Variants in DNAJC24 observed in about 807,000 individuals in gnomAD.
DNAJC24 encodes the protein dnaJ homolog subfamily C member 24.
A neutral mutation model predicts 18.0 loss-of-function variants in DNAJC24; 17 were observed. The ratio of observed to expected loss-of-function variants is 0.94; its 90% confidence interval spans 0.65 to 1.42. The LOEUF (loss-of-function observed/expected upper bound fraction) is 1.42. Among genes scored for constraint, DNAJC24 ranks in the 40% most tolerant of loss-of-function variants. DNAJC24 has a pLI of 0.00. For missense variants in DNAJC24, 158 were observed against 175.6 expected (o/e 0.90, Z 0.57); for synonymous variants, 55 against 57.7 (o/e 0.95, Z 0.21).
intron 2 of DNAJC24, among the ~76,000 whole-genome samples, chr11:31,397,955 A>T (rs1952559783): frequency 6.6e-6 from 1 of 151,948 alleles, no homozygotes; most frequent in Non-Finnish European, 1.5e-5. Flanking sequence ...GGAGCGTGCC[A>T]CCATGCCCAG....
chr11:31,422,102 T>C, intron 3 of DNAJC24: 1 of 252,612 alleles, frequency 4.0e-6, no homozygotes, highest in Non-Finnish European at 8.1e-6. Context: ...GAAGGGCCTA[T>C]ACTTCTAAAG....
chr11:31,417,908 T>C (rs935967856), intron 3 of DNAJC24, among the ~76,000 whole-genome samples: 3 of 152,062 alleles, frequency 2.0e-5, no homozygotes, highest in Non-Finnish European at 4.4e-5. Flanking sequence ...AATGATCATA[T>C]GTGTTCTTTC....
chr11:31,381,804 T>A, intron 2 of DNAJC24, among the ~76,000 whole-genome samples: 1 of 152,114 alleles, frequency 6.6e-6, no homozygotes, highest in East Asian at 1.9e-4. Context: ...CTCGAACTCC[T>A]GACCTCAGAT....
intron 2 of DNAJC24, among the ~76,000 whole-genome samples, chr11:31,399,515 G>A (rs1305629791): frequency 2.0e-5 from 3 of 150,786 alleles, no homozygotes; most frequent in East Asian, 2.0e-4. Flanking sequence ...CTGGGTTCAA[G>A]CGATTCTTCT....
At chr11:31,404,490 T>C (rs527526128) in intron 2 of DNAJC24, among the ~76,000 whole-genome samples, 28 of 152,230 alleles carry the variant, frequency 1.8e-4, no homozygotes, top group African/African-American at 6.5e-4. Context: ...AAGCTGGGGG[T>C]GGAAAGCAGC....
At chr11:31,408,058 T>C (rs1218774987) in intron 2 of DNAJC24, 2 of 455,240 alleles carry the variant, frequency 4.4e-6, no homozygotes, top group East Asian at 7.0e-5. Context: ...GTATCAAATA[T>C]AAAAAAAATT....
intron 2 of DNAJC24, among the ~76,000 whole-genome samples, chr11:31,385,582 T>G (rs1365690650): frequency 6.6e-6 from 1 of 152,130 alleles, no homozygotes; most frequent in African/African-American, 2.4e-5. Flanking sequence ...ATCTTGTAAA[T>G]TAAATTATCA....
chr11:31,412,228 A>G (rs1395316541), intron 2 of DNAJC24, among the ~76,000 whole-genome samples: 1 of 152,138 alleles, frequency 6.6e-6, no homozygotes, highest in African/African-American at 2.4e-5. Flanking sequence ...AGATTGGTGC[A>G]TGATCAGGCC....
intron 2 of DNAJC24, 99 bp from the exon 3 acceptor site, chr11:31,414,712 A>C: frequency 7.6e-7 from 1 of 1,321,700 alleles, no homozygotes; most frequent in Non-Finnish European, 1.0e-6. Context: ...TCATCTTCTC[A>C]TTACCTTCTT....
At position 31,432,575 on chromosome 11, in the gene DNAJC24, A is replaced by C; in HGVS notation, c.*2174A>C. The C allele has an allele frequency of 6.2e-7, 1 of 1,601,706 alleles. No individual in the cohort carries two copies. The highest frequency in any genetic ancestry group is 8.6e-7 in the Non-Finnish European group (1 of 1,168,814). On this transcript the variant is annotated 3_prime_UTR_variant, in exon 5 of 5. Coordinates refer to ENST00000465995, the MANE Select transcript of DNAJC24 (RefSeq NM_181706.5). ...AATCACTCAGAGGCCAAATCTGTAA[A>C]ATCAAAATGAGGTTGAAGACAATTA...
rs1236472089 is a variant in DNAJC24, at chr11:31,426,374, CTT to C, written c.319+20_319+21del. ...AATGAAGGTTGGATTTTTTTTTTCTCTTGACAACATTTAAAAAAAAAAGGAAT... is the reference window on the plus strand; with the variant it reads ...AATGAAGGTTGGATTTTTTTTTTCTCGACAACATTTAAAAAAAAAAGGAAT... On this transcript the variant is annotated intron_variant, in intron 4 of 4. Coordinates refer to ENST00000465995, the MANE Select transcript of DNAJC24 (RefSeq NM_181706.5). 2.2e-6 allele frequency: 3 copies of C among 1,367,738 alleles called. No individual in the cohort carries two copies. The highest frequency in any genetic ancestry group is 9.9e-7 in the Non-Finnish European group (1 of 1,014,536). The allele number at this position is 1,367,738 out of a possible 1,614,324, so 84.7% of individuals were successfully genotyped here.
rs1952860869 is a variant in DNAJC24, at chr11:31,426,357, T to C, written c.319+2T>C. 4.6e-6 allele frequency: 7 copies of C among 1,513,652 alleles called. No individual in the cohort carries two copies. The highest frequency in any genetic ancestry group is 6.2e-6 in the Non-Finnish European group (7 of 1,133,614). 93.8% of individuals were successfully genotyped at this position (1,513,652 alleles called of 1,614,324 possible). Reference sequence around the variant, plus strand: ...TTGAAGAAATGTCTTGGAATGAAGGTTGGATTTTTTTTTTCTCTTGACAAC... The same window carrying C: ...TTGAAGAAATGTCTTGGAATGAAGGCTGGATTTTTTTTTTCTCTTGACAAC... On this transcript the variant is annotated splice_donor_variant, in intron 4 of 4. Transcript: ENST00000465995. LOFTEE classifies it high-confidence loss of function.
intron 3 of DNAJC24, among the ~76,000 whole-genome samples, chr11:31,426,056 A>G (rs1160988442): frequency 6.6e-6 from 1 of 152,198 alleles, no homozygotes; most frequent in Non-Finnish European, 1.5e-5. Flanking sequence ...GATTGTGAAA[A>G]ACGGGATTGA....
intron 2 of DNAJC24, among the ~76,000 whole-genome samples, chr11:31,399,892 C>T (rs1358803363): frequency 6.6e-6 from 1 of 151,924 alleles, no homozygotes; most frequent in Non-Finnish European, 1.5e-5. Flanking sequence ...GGTATTTGTC[C>T]AGATGCTCTC....
chr11:31,420,015 A>G (rs2133501349), intron 3 of DNAJC24, among the ~76,000 whole-genome samples: 1 of 152,118 alleles, frequency 6.6e-6, no homozygotes, highest in African/African-American at 2.4e-5. Context: ...TTGATCTAGC[A>G]GCTTTCTTTA....
chr11:31,394,462 G>A (rs1056490852), intron 2 of DNAJC24, among the ~76,000 whole-genome samples: 2 of 151,960 alleles, frequency 1.3e-5, no homozygotes, highest in East Asian at 1.9e-4. Context: ...CGTGATTAAC[G>A]AGGTTCAACT....
intron 4 of DNAJC24, chr11:31,427,781 T>C (rs1195578382): frequency 6.6e-6 from 1 of 151,462 alleles, no homozygotes; most frequent in Admixed American, 6.6e-5. Flanking sequence ...TTTTATAAAT[T>C]TTTTTTTACC....
In DNAJC24 at chr11:31,372,239, G is replaced by A. The variant is rs569352428; in HGVS notation, c.111+1380G>A. Among the ~76,000 whole-genome samples, 7 of 137,196 alleles carry A rather than the reference G, an allele frequency of 5.1e-5. 1 individual carries two copies. The highest frequency in any genetic ancestry group is 3.9e-4 in the East Asian group (2 of 5,162). 90.0% of individuals were successfully genotyped at this position (137,196 alleles called of 152,430 possible). A position where few individuals can be genotyped will look rare whatever the true frequency, so the allele number is the denominator to read the frequency against. ...AAGCCAATGTCTGTAATTCTATACC[G>A]ACGTCCGGTTAACTCAGTTTATAAA... On this transcript the variant is annotated intron_variant, in intron 2 of 4. Coordinates refer to ENST00000465995, the MANE Select transcript of DNAJC24 (RefSeq NM_181706.5).
At chr11:31,400,003 C>T (rs900075358) in intron 2 of DNAJC24, among the ~76,000 whole-genome samples, 1 of 152,006 alleles carries the variant, frequency 6.6e-6, no homozygotes, top group African/African-American at 2.4e-5. Context: ...TGAGTGAGAA[C>T]ATGTGGTGTT....
Sources: gnomAD v4.1 joint callset for allele counts (sites outside exome capture counted in the v4.1 genomes callset) on GRCh38, gnomAD v4.1.1 for gene constraint, MANE v1.5 for transcripts, NCBI Gene and HGNC (gene_info 2026-07-23, HGNC 2026-07-21) for gene names.